CRB1: variants seen among roughly 807,000 people sequenced by gnomAD.
CRB1 encodes protein crumbs homolog 1.
CRB1 carries 83 observed loss-of-function variants against 120.0 expected under a neutral mutation model. The observed-to-expected ratio is 0.69, with a 90% CI of 0.58 to 0.83. CRB1 has a LOEUF of 0.83. Ranked by LOEUF, CRB1 falls within the 40% of genes least tolerant of loss-of-function variation. The probability of loss-of-function intolerance (pLI) is 0.00; values close to 1 mark genes in which losing one functional copy is unlikely to be tolerated. For synonymous variants in CRB1, 625 were observed against 612.5 expected (o/e 1.02, Z -0.30); for missense variants, 1,699 against 1,687.6 (o/e 1.01, Z -0.12).
At chr1:197,346,663 C>T (rs889901068) in intron 3 of CRB1, among the ~76,000 whole-genome samples, 9 of 152,182 alleles carry the variant, frequency 5.9e-5, no homozygotes, top group Middle Eastern at 3.4e-3. Flanking sequence ...GAGGAGACCC[C>T]GACCTAAATT....
chr1:197,442,363 T>C (rs978487716), intron 11 of CRB1, 71 bp downstream of exon 11: 5 of 1,611,410 alleles, frequency 3.1e-6, no homozygotes, highest in Non-Finnish European at 8.5e-7. Context: ...TCTTACCTCA[T>C]TTTGCGTATG....
the CRB1 span, among the ~76,000 whole-genome samples, chr1:197,239,041 A>G: frequency 1.3e-5 from 2 of 152,024 alleles, no homozygotes; most frequent in Non-Finnish European, 2.9e-5. Flanking sequence ...CTTACTCTTC[A>G]GTTGTCCATT....
chr1:197,342,258 C>T (rs1224883490), intron 2 of CRB1, among the ~76,000 whole-genome samples: 1 of 152,164 alleles, frequency 6.6e-6, no homozygotes, highest in African/African-American at 2.4e-5. Context: ...TTCCTTTCTA[C>T]TATTGAATTT....
chr1:197,336,662 T>C (rs1659174036), intron 2 of CRB1, among the ~76,000 whole-genome samples: 1 of 152,188 alleles, frequency 6.6e-6, no homozygotes. Flanking sequence ...CAGCAAATAC[T>C]TATATTTGCA....
At chr1:197,222,235 C>CCGTGCT in the CRB1 span, 3 of 503,752 alleles carry the variant, frequency 6.0e-6, no homozygotes, top group South Asian at 5.4e-5. Context: ...ATTGTGTTTG[C>CCGTGCT]CGTGCTCCTG....
chr1:197,286,201 G>T (rs1467877908), intron 1 of CRB1, among the ~76,000 whole-genome samples: 2 of 151,812 alleles, frequency 1.3e-5, no homozygotes, highest in African/African-American at 4.8e-5. Context: ...TTGTTTTCTA[G>T]AAAATAGAGA....
At chr1:197,262,247 T>C in the CRB1 span, among the ~76,000 whole-genome samples, 107 of 152,316 alleles carry the variant, frequency 7.0e-4, no homozygotes, top group Non-Finnish European at 1.3e-3. Flanking sequence ...TCCTACTTTC[T>C]GAAATTGTAT....
chr1:197,262,571 C>A, the CRB1 span, among the ~76,000 whole-genome samples: 1 of 152,132 alleles, frequency 6.6e-6, no homozygotes, highest in Non-Finnish European at 1.5e-5. Flanking sequence ...GGTAGATGTG[C>A]AGATATGTTA....
intron 2 of CRB1, among the ~76,000 whole-genome samples, chr1:197,331,892 T>G (rs1658876127): frequency 6.6e-6 from 1 of 152,048 alleles, no homozygotes; most frequent in South Asian, 2.1e-4. Flanking sequence ...ATGGAAAGGG[T>G]GGCCAGGTGT....
At chr1:197,314,441 C>T (rs967586474) in intron 1 of CRB1, among the ~76,000 whole-genome samples, 13 of 151,974 alleles carry the variant, frequency 8.6e-5, no homozygotes, top group African/African-American at 2.9e-4. Context: ...TATTTAAGTC[C>T]TTGAAAAATA....
At chr1:197,366,048 A>T (rs2821110) in intron 5 of CRB1, among the ~76,000 whole-genome samples, 29,814 of 151,870 alleles carry the variant, frequency 0.2, 5,080 homozygotes, top group African/African-American at 0.46. Flanking sequence ...AAGAAAAAAA[A>T]TTTTTTTAAT....
chr1:197,204,649 A>C, the CRB1 span, among the ~76,000 whole-genome samples: 1 of 151,804 alleles, frequency 6.6e-6, no homozygotes, highest in African/African-American at 2.4e-5. Context: ...AATTTGTTTG[A>C]GTTCCTTGTA....
Position 197,361,902 on chromosome 1 carries a change from T to A in CRB1, c.1171+4889T>A, listed in dbSNP as rs762977493. Among the ~76,000 whole-genome samples, 87 of 151,956 alleles carry A rather than the reference T, an allele frequency of 5.7e-4. 1 individual carries two copies. Among genetic ancestry groups the A allele is most frequent in the Non-Finnish European group, 1.8e-4 (12 of 67,912 alleles). On this transcript the variant is annotated intron_variant, in intron 5 of 11. Transcript: ENST00000367400. ...TCTGTTTTTTAAATTTATTTTTATT[T>A]TTCTAGCTTCTTGAGGTAGGAAGTT...
intron 1 of CRB1, among the ~76,000 whole-genome samples, chr1:197,306,214 T>G (rs12072180): frequency 2.2e-4 from 33 of 152,080 alleles, no homozygotes; most frequent in African/African-American, 7.2e-4. Context: ...AGATTCAAAT[T>G]GCTATATAGC....
At chr1:197,413,108 G>A (rs1663795244) in intron 5 of CRB1, among the ~76,000 whole-genome samples, 1 of 152,220 alleles carries the variant, frequency 6.6e-6, no homozygotes, top group Non-Finnish European at 1.5e-5. Flanking sequence ...AGTTCTAGGG[G>A]CTTCATGACC....
At chr1:197,402,189 C>A (rs1359650333) in intron 5 of CRB1, among the ~76,000 whole-genome samples, 1 of 151,984 alleles carries the variant, frequency 6.6e-6, no homozygotes, top group Non-Finnish European at 1.5e-5. Flanking sequence ...TTATTTTTTT[C>A]TGCTCCTCTC....
At chr1:197,454,361 A>C (rs1213656538) in intron 11 of CRB1, among the ~76,000 whole-genome samples, 1 of 152,162 alleles carries the variant, frequency 6.6e-6, no homozygotes, top group Non-Finnish European at 1.5e-5. Context: ...ATTTTGATGC[A>C]TTATCAAGCA....
At chr1:197,397,929 A>G (rs1258656790) in intron 5 of CRB1, among the ~76,000 whole-genome samples, 1 of 152,144 alleles carries the variant, frequency 6.6e-6, no homozygotes, top group Non-Finnish European at 1.5e-5. Flanking sequence ...ATGATGAATT[A>G]TAAGTGAATT....
intron 5 of CRB1, among the ~76,000 whole-genome samples, chr1:197,358,755 C>G (rs1207490796): frequency 6.6e-6 from 1 of 151,820 alleles, no homozygotes; most frequent in Non-Finnish European, 1.5e-5. Context: ...ATTTTATGGG[C>G]CAACCACTAC....
Sources: allele counts gnomAD v4.1 joint callset (sites outside exome capture counted in the v4.1 genomes callset), GRCh38; gene constraint gnomAD v4.1.1; transcripts MANE v1.5; gene names NCBI Gene and HGNC (gene_info 2026-07-23, HGNC 2026-07-21).